Variants in TP63 observed in about 807,000 individuals in gnomAD.
TP63 encodes the protein tumor protein 63.
TP63 carries 17 observed loss-of-function variants against 82.8 expected under a neutral mutation model. The observed-to-expected ratio is 0.21, with a 90% confidence interval of 0.14 to 0.31. The LOEUF (loss-of-function observed/expected upper bound fraction) is 0.31. TP63 is among the 10% of genes least tolerant of loss of function. The probability of loss-of-function intolerance (pLI) is 1.00; values close to 1 mark genes in which losing one functional copy is unlikely to be tolerated. For synonymous variants in TP63, 330 were observed against 321.7 expected (o/e 1.03, Z -0.28); for missense variants, 648 against 895.3 (o/e 0.72, Z 3.52).
intron 3 of TP63, among the ~76,000 whole-genome samples, chr3:189,783,971 T>A (rs953145067): frequency 6.6e-6 from 1 of 151,844 alleles, no homozygotes; most frequent in Non-Finnish European, 1.5e-5. Context: ...CAAAATATAA[T>A]GATAACTAAA....
At chr3:189,674,930 C>G (rs146911648) in intron 1 of TP63, among the ~76,000 whole-genome samples, 1 of 152,178 alleles carries the variant, frequency 6.6e-6, no homozygotes, top group Non-Finnish European at 1.5e-5. Context: ...CTGAGGCACT[C>G]CTCAGCATTG....
chr3:189,886,250 A>G (rs1219001868), intron 10 of TP63, 144 bp from the exon 11 acceptor site: 1 of 951,778 alleles, frequency 1.1e-6, no homozygotes, highest in African/African-American at 1.6e-5. Flanking sequence ...TGGAAACAAA[A>G]TTAACTTCTT....
intron 3 of TP63, among the ~76,000 whole-genome samples, chr3:189,770,394 G>A (rs183417442): frequency 3.2e-4 from 49 of 152,112 alleles, no homozygotes; most frequent in African/African-American, 9.9e-4. Flanking sequence ...GTGAAACCCC[G>A]TCTCTACTAA....
At chr3:189,700,918 C>A (rs540360539) in intron 1 of TP63, among the ~76,000 whole-genome samples, 1 of 152,080 alleles carries the variant, frequency 6.6e-6, no homozygotes, top group Non-Finnish European at 1.5e-5. Context: ...ATTAATATCA[C>A]CCAAATCTCT....
At chr3:189,672,637 G>C (rs1334237707) in intron 1 of TP63, among the ~76,000 whole-genome samples, 1 of 102,096 alleles carries the variant, frequency 9.8e-6, no homozygotes, top group Admixed American at 1.0e-4. Context: ...AGGAAGGAAG[G>C]GAGGGAGGGA....
At chr3:189,702,866 A>G (rs1168177718) in intron 1 of TP63, among the ~76,000 whole-genome samples, 2 of 152,228 alleles carry the variant, frequency 1.3e-5, no homozygotes, top group East Asian at 3.8e-4. Flanking sequence ...GAAATAATAT[A>G]TGTATAAAGA....
chr3:189,642,504 A>G (rs1000740838), intron 1 of TP63, among the ~76,000 whole-genome samples: 1 of 151,918 alleles, frequency 6.6e-6, no homozygotes, highest in Admixed American at 6.6e-5. Context: ...CAAAAATCTC[A>G]CTCTGGCAAA....
intron 1 of TP63, among the ~76,000 whole-genome samples, chr3:189,647,813 T>C (rs1332669612): frequency 1.4e-5 from 2 of 146,794 alleles, no homozygotes; most frequent in Non-Finnish European, 3.0e-5. Flanking sequence ...GAAAATTTAG[T>C]AATAAAAATC....
chr3:189,623,586 C>T, the TP63 span, among the ~76,000 whole-genome samples: 1 of 152,142 alleles, frequency 6.6e-6, no homozygotes. Context: ...TTTTGTTGAT[C>T]AACTTGTTAC....
At chr3:189,681,068 G>T (rs1179933388) in intron 1 of TP63, among the ~76,000 whole-genome samples, 1 of 152,176 alleles carries the variant, frequency 6.6e-6, no homozygotes, top group Admixed American at 6.5e-5. Context: ...TGAGGAAGGG[G>T]TGACATGGGG....
chr3:189,829,410 T>C (rs538646652), intron 4 of TP63, among the ~76,000 whole-genome samples: 22 of 152,352 alleles, frequency 1.4e-4, no homozygotes, highest in African/African-American at 5.0e-4. Context: ...CATCCAACTA[T>C]CAATTCTTAG....
At chr3:189,834,080 A>T (rs1712765089) in intron 4 of TP63, among the ~76,000 whole-genome samples, 1 of 152,190 alleles carries the variant, frequency 6.6e-6, no homozygotes, top group South Asian at 2.1e-4. Context: ...AGACATGACG[A>T]TACTTGTTAG....
At chr3:189,775,000 G>A (rs1186882552) in intron 3 of TP63, among the ~76,000 whole-genome samples, 2 of 152,164 alleles carry the variant, frequency 1.3e-5, no homozygotes, top group South Asian at 2.1e-4. Flanking sequence ...GGCAGATCAC[G>A]AGTTCAGGAG....
At chr3:189,794,889 A>C (rs749784405) in intron 3 of TP63, among the ~76,000 whole-genome samples, 1 of 152,008 alleles carries the variant, frequency 6.6e-6, no homozygotes, top group Non-Finnish European at 1.5e-5. Flanking sequence ...CTTTGGAAGG[A>C]TACGCATGGA....
intron 4 of TP63, among the ~76,000 whole-genome samples, chr3:189,812,489 T>C (rs1398722582): frequency 6.6e-6 from 1 of 152,216 alleles, no homozygotes; most frequent in East Asian, 1.9e-4. Context: ...TCTAGCATTG[T>C]AGTTGGGAAT....
At chr3:189,602,946 GAATTCATTTATAAACTTTTAGACTTATA>G in the TP63 span, among the ~76,000 whole-genome samples, 1 of 152,152 alleles carries the variant, frequency 6.6e-6, no homozygotes, top group Non-Finnish European at 1.5e-5. Flanking sequence ...CCCAGGTTAA[GAATTCATTTATAAACTTTTAGACTTATA>G]AATTCATTTA....
intron 4 of TP63, among the ~76,000 whole-genome samples, chr3:189,814,345 A>T (rs1204422183): frequency 6.6e-6 from 1 of 152,198 alleles, no homozygotes; most frequent in Non-Finnish European, 1.5e-5. Flanking sequence ...CACTTCCCCC[A>T]TTAAAGTCTG....
At chr3:189,704,739 A>G (rs1718074787) in intron 1 of TP63, among the ~76,000 whole-genome samples, 1 of 152,244 alleles carries the variant, frequency 6.6e-6, no homozygotes, top group Non-Finnish European at 1.5e-5. Flanking sequence ...TTTAAATTGT[A>G]TATAATTTTT....
intron 4 of TP63, among the ~76,000 whole-genome samples, chr3:189,856,714 A>G (rs1222084183): frequency 6.6e-6 from 1 of 152,076 alleles, no homozygotes; most frequent in Non-Finnish European, 1.5e-5. Context: ...TAAATACATG[A>G]CATAGTATAA....
Sources: allele counts gnomAD v4.1 joint callset (sites outside exome capture counted in the v4.1 genomes callset), GRCh38; gene constraint gnomAD v4.1.1; transcripts MANE v1.5; gene names NCBI Gene and HGNC (gene_info 2026-07-23, HGNC 2026-07-21).